The following COL6A1 variants were observed in gnomAD, a reference collection of about 807,000 sequenced individuals.
COL6A1 encodes collagen alpha-1(VI) chain.
Under a neutral mutation model 145.6 loss-of-function variants are expected in COL6A1, and 80 were observed. The observed-to-expected ratio is 0.55, with a 90% confidence interval of 0.46 to 0.66. The LOEUF is 0.66. Among genes scored for constraint, COL6A1 ranks in the 30% least tolerant of loss-of-function variants. The pLI is 0.00. For missense variants in COL6A1, 1,364 were observed against 1,473.8 expected (o/e 0.93, Z 1.22); for synonymous variants, 638 against 622.8 (o/e 1.02, Z -0.36).
Position 45,997,957 on chromosome 21 carries a change from G to A in COL6A1, c.1525-164G>A, listed in dbSNP as rs553638640. Among the ~76,000 whole-genome samples, 14 of 152,238 alleles carry A rather than the reference G, an allele frequency of 9.2e-5. No homozygotes were observed. The East Asian group carries it at 1.2e-3, about 13-fold the overall frequency. On this transcript the variant is annotated intron_variant, in intron 22 of 34. Transcript: ENST00000361866. ...CAGGGCCCCTCCTGCCCCGAGATCC[G>A]GGTCCCAGGGTCCACGGGGACCAGC...
chr21:45,988,400 GTCCAGATGGAGGGGACGTCGGGGC>G (rs1556425331), intron 8 of COL6A1, among the ~76,000 whole-genome samples: 1 of 77,918 alleles, frequency 1.3e-5, no homozygotes, highest in East Asian at 3.4e-4. Flanking sequence ...GGACGGCGGG[GTCCAGATGGAGGGGACGTCGGGGC>G]TCCAGATGGA....
chr21:45,988,879 G>T (rs1435055159), intron 8 of COL6A1, among the ~76,000 whole-genome samples: 1 of 152,164 alleles, frequency 6.6e-6, no homozygotes, highest in Non-Finnish European at 1.5e-5. Flanking sequence ...AAGCCGAGCA[G>T]ACAGGAACGA....
intron 7 of COL6A1, 32 bp from the exon 8 acceptor site, chr21:45,987,578 G>C (rs770911162): frequency 1.2e-6 from 2 of 1,612,602 alleles, no homozygotes; most frequent in Admixed American, 3.3e-5. Flanking sequence ...CTGAGTCTGG[G>C]GTCCTGGCTG....
At chr21:45,995,816 G>C (rs2077801722) in intron 20 of COL6A1, among the ~76,000 whole-genome samples, 1 of 152,230 alleles carries the variant, frequency 6.6e-6, no homozygotes, top group Non-Finnish European at 1.5e-5. Flanking sequence ...GCCTGGCTGA[G>C]GCAGGCACTT....
At position 46,002,290 on chromosome 21, in the gene COL6A1, G is replaced by T; in HGVS notation, c.2139G>T (p.Gln713His). Residue 713 changes from glutamine to histidine, a missense_variant, in exon 32 of 35, where the codon CAG (glutamine) becomes CAT (histidine). Gln to His is a conservative substitution (Grantham distance 24). Transcript: ENST00000361866. ...TGEALQYTRD[Q>H]LLPPSPNNRI... ...AGGCCCTGCAGTACACGCGGGACCA[G>T]CTGCTGCCGCCCAGCCCGAACAACC... The T allele has an allele frequency of 6.3e-7, 1 of 1,595,172 alleles. No homozygotes were observed.
At chr21:46,001,036 C>G (rs530296814) in intron 29 of COL6A1, 20 of 732,474 alleles carry the variant, frequency 2.7e-5, no homozygotes, top group South Asian at 1.6e-4. Context: ...AGGCCCCACC[C>G]TAGCCTGGCT....
chr21:45,987,262 T>C (rs1166345656), intron 6 of COL6A1, 87 bp downstream of exon 6: 15 of 1,569,142 alleles, frequency 9.6e-6, no homozygotes, highest in Non-Finnish European at 1.3e-5. Flanking sequence ...CATGTCCCTA[T>C]GCATATCCGC....
At chr21:46,000,811 T>G in intron 29 of COL6A1, 44 bp downstream of exon 29, 1 of 1,611,682 alleles carries the variant, frequency 6.2e-7, no homozygotes, top group Non-Finnish European at 8.5e-7. Flanking sequence ...ATCCCGGGGG[T>G]CGGGGAGCGA....
intron 26 of COL6A1, 102 bp downstream of exon 26, chr21:45,999,320 G>A (rs968154795): frequency 2.1e-5 from 26 of 1,224,338 alleles, no homozygotes; most frequent in South Asian, 1.3e-4. Context: ...GGGAGGCGGC[G>A]GGAGGGAATT....
chr21:45,997,345 C>G, intron 20 of COL6A1, 76 bp from the exon 21 acceptor site: 1 of 1,399,368 alleles, frequency 7.1e-7, no homozygotes, highest in Non-Finnish European at 1.0e-6. Flanking sequence ...TGGTCTGAGA[C>G]CCTCAGCTTA....
chr21:45,990,677 G>T, intron 13 of COL6A1, 96 bp from the exon 14 acceptor site: 3 of 1,115,670 alleles, frequency 2.7e-6, no homozygotes, highest in East Asian at 2.4e-5. Context: ...TTCCAGGGAG[G>T]GTGTGGAGGG....
Position 45,992,974 on chromosome 21 carries a change from G to A in COL6A1, c.1335+164G>A, listed in dbSNP as rs143550568. ...GTCAGGGAGGGCAGCCCCTGAAGCC[G>A]GCGCCCAGCCATGTGCCTGATGCTG... On this transcript the variant is annotated intron_variant, in intron 19 of 34. Coordinates refer to ENST00000361866, the MANE Select transcript of COL6A1 (RefSeq NM_001848.3). Among the ~76,000 whole-genome samples, 1,699 of 152,344 alleles carry A rather than the reference G, an allele frequency of 0.011. 12 individuals carry two copies. Among genetic ancestry groups the A allele is most frequent in the Middle Eastern group, 0.034 (10 of 294 alleles).
chr21:45,997,362 G>A, intron 20 of COL6A1, 59 bp from the exon 21 acceptor site: 1 of 1,525,756 alleles, frequency 6.6e-7, no homozygotes, highest in Non-Finnish European at 9.1e-7. Context: ...CTTAGGGTCA[G>A]GGAGGGCTCA....
intron 27 of COL6A1, 96 bp from the exon 28 acceptor site, chr21:46,000,235 G>A (rs944991018): frequency 4.3e-5 from 64 of 1,488,252 alleles, no homozygotes; most frequent in Non-Finnish European, 5.3e-5. Flanking sequence ...CGCCCTGTGG[G>A]GGCCCCAGGG....
Position 45,986,625 on chromosome 21 carries a change from G to A in COL6A1, c.528G>A (p.Val176=). The A allele has an allele frequency of 6.4e-7, 1 of 1,554,794 alleles. No homozygotes were observed. Among genetic ancestry groups the A allele is most frequent in the African/African-American group, 1.4e-5 (1 of 73,264 alleles). ...KEPCGGLEDA[V]NEAKHLGVKV... ...CCTGTGGGGGGCTGGAGGATGCTGT[G>A]AACGAGGCCAAGCACCTGGGCGTCA... Residue 176 remains valine, a synonymous_variant, in exon 4 of 35, where the codon GTG becomes GTA. Transcript: ENST00000361866.
rs2077796295 is a variant in COL6A1, at chr21:45,994,874, A to G, written c.1398+645A>G. On this transcript the variant is annotated intron_variant, in intron 20 of 34. Coordinates refer to ENST00000361866, the MANE Select transcript of COL6A1 (RefSeq NM_001848.3). This position sits in a 1 kb window ranked among gnomAD's most constrained non-coding sequence, Gnocchi z 6.8. The stretch of plus-strand genomic sequence containing the variant: ...CCCACGGGGACAGGAAGGCCTCCAC[A>G]CGGTCACGCCCGGAGACAGCAAGTC... 6.6e-6 allele frequency among the ~76,000 whole-genome samples: 1 copy of G among 152,058 alleles called. No individual in the cohort carries two copies. Among genetic ancestry groups the G allele is most frequent in the Non-Finnish European group, 1.5e-5 (1 of 68,020 alleles).
chr21:45,990,152 C>T (rs1264016936), intron 11 of COL6A1, 106 bp from the exon 12 acceptor site: 31 of 1,376,358 alleles, frequency 2.3e-5, no homozygotes, highest in African/African-American at 4.3e-5. Context: ...ATGTTGTCCC[C>T]TCGGGTTGGG....
At position 45,986,950 on chromosome 21, in the gene COL6A1, C is replaced by T. The variant is rs749628937; in HGVS notation, c.595C>T (p.Arg199Cys). 77 of 1,549,950 alleles carry T rather than the reference C, an allele frequency of 5.0e-5. No homozygotes were observed. The highest frequency in any genetic ancestry group is 5.6e-5 in the Non-Finnish European group (64 of 1,150,558). ...CCCTGAACACTGCCCCCAGGAGCCG[C>T]GTCTGAGCATCATCGCCACGGACCA... The part of the protein sequence containing the change: ...VAITPDHLEP[R>C]LSIIATDHTY... The change falls in exon 5 of 35, where the codon CGT (arginine) becomes TGT (cysteine). Residue 199 changes from arginine to cysteine, a missense_variant. Arg to Cys is a radical substitution (Grantham distance 180, BLOSUM62 -3). Coordinates refer to ENST00000361866, the MANE Select transcript of COL6A1 (RefSeq NM_001848.3).
chr21:45,985,604 G>C (rs890237710), intron 3 of COL6A1, among the ~76,000 whole-genome samples: 2 of 152,252 alleles, frequency 1.3e-5, no homozygotes, highest in South Asian at 4.1e-4. Context: ...TGGGGACGCA[G>C]GGGCCGCAAG....
Sources: gnomAD v4.1 joint callset for allele counts (sites outside exome capture counted in the v4.1 genomes callset) on GRCh38, gnomAD v4.1.1 for gene constraint, Gnocchi (gnomAD v3.1) non-coding constraint, MANE v1.5 for transcripts, NCBI Gene and HGNC (gene_info 2026-07-23, HGNC 2026-07-21) for gene names.